CFAP20DC: variants seen among roughly 807,000 people sequenced by gnomAD.
The protein encoded by CFAP20DC is protein CFAP20DC.
CFAP20DC carries 84 observed loss-of-function variants against 101.7 expected under a neutral mutation model. The observed-to-expected ratio is 0.83, with a 90% confidence interval of 0.69 to 0.99. The LOEUF is 0.99. Among genes scored for constraint, CFAP20DC ranks in the 50% least tolerant of loss-of-function variants. CFAP20DC has a pLI of 0.00. For missense variants in CFAP20DC, 1,007 were observed against 970.3 expected (o/e 1.04, Z -0.50); for synonymous variants, 359 against 351.2 (o/e 1.02, Z -0.25).
chr3:58,850,697 A>C (rs533236787), intron 12 of CFAP20DC, among the ~76,000 whole-genome samples: 1 of 152,148 alleles, frequency 6.6e-6, no homozygotes, highest in African/African-American at 2.4e-5. Context: ...AAAAAACAAA[A>C]AAGCACAGTC....
At chr3:58,735,261 A>C (rs2067725389) in intron 3 of CFAP20DC, among the ~76,000 whole-genome samples, 1 of 152,212 alleles carries the variant, frequency 6.6e-6, no homozygotes, top group Admixed American at 6.5e-5. Context: ...CATAGCATAT[A>C]ATCTGACACC....
At chr3:58,734,342 C>T (rs935827850) in intron 3 of CFAP20DC, 5 of 318,882 alleles carry the variant, frequency 1.6e-5, no homozygotes, top group African/African-American at 8.8e-5. Context: ...TATGTATGTG[C>T]CCATATATAC....
intron 13 of CFAP20DC, among the ~76,000 whole-genome samples, chr3:58,839,806 G>A (rs1233819943): frequency 6.6e-6 from 1 of 152,112 alleles, no homozygotes; most frequent in Admixed American, 6.6e-5. Context: ...TTAGAGTAAT[G>A]GGCGCACTGT....
intron 6 of CFAP20DC, among the ~76,000 whole-genome samples, chr3:58,909,511 T>G (rs918669480): frequency 6.6e-6 from 1 of 152,206 alleles, no homozygotes; most frequent in Non-Finnish European, 1.5e-5. Flanking sequence ...ATCAATTTTA[T>G]TCTTCATGTT....
chr3:58,891,872 A>G (rs2082286707), intron 6 of CFAP20DC, among the ~76,000 whole-genome samples: 1 of 152,148 alleles, frequency 6.6e-6, no homozygotes, highest in Admixed American at 6.5e-5. Context: ...TTTCATCATG[A>G]AATCTTTGCA....
chr3:58,936,590 A>G (rs960533837), intron 5 of CFAP20DC, among the ~76,000 whole-genome samples: 2 of 152,266 alleles, frequency 1.3e-5, no homozygotes, highest in African/African-American at 4.8e-5. Context: ...AATACTATGC[A>G]GCCATAAAAA....
intron 4 of CFAP20DC, among the ~76,000 whole-genome samples, chr3:58,949,027 T>C (rs970657106): frequency 1.6e-4 from 25 of 152,290 alleles, no homozygotes; most frequent in East Asian, 1.2e-3. Context: ...GGAGGGTGTA[T>C]GTGTCGAGGA....
intron 4 of CFAP20DC, among the ~76,000 whole-genome samples, chr3:58,938,490 T>G (rs775508876): frequency 6.6e-6 from 1 of 152,224 alleles, no homozygotes; most frequent in East Asian, 1.9e-4. Flanking sequence ...CACTGCTATA[T>G]TATAGAATTG....
At position 58,862,068 on chromosome 3, in the gene CFAP20DC, T is replaced by C. The variant is rs2079293043; in HGVS notation, c.1593+1490A>G. 4.1e-6 allele frequency: 4 copies of C among 975,406 alleles called. No homozygotes were observed. In the South Asian group the frequency reaches 1.4e-4, roughly 35 times the overall value. 60.4% of individuals were successfully genotyped at this position (975,406 alleles called of 1,614,324 possible). ...TCTAAAGGCTTAGCCTTCCTATAGA[T>C]GGAAGAGGTAAGTTCTTCATGTGGT... On this transcript the variant is annotated intron_variant, in intron 12 of 16. Transcript: ENST00000482387.
At chr3:58,887,184 A>G (rs999073464) in intron 6 of CFAP20DC, among the ~76,000 whole-genome samples, 1 of 152,206 alleles carries the variant, frequency 6.6e-6, no homozygotes, top group African/African-American at 2.4e-5. Flanking sequence ...TAGTTTTCAG[A>G]TGTTTTGTCC....
chr3:59,029,395 C>T (rs774346063), intron 4 of CFAP20DC, among the ~76,000 whole-genome samples: 11 of 151,880 alleles, frequency 7.2e-5, no homozygotes, highest in Non-Finnish European at 1.2e-4. Flanking sequence ...ATTCAGTTGG[C>T]GGAAAATCAT....
rs144710593 is a variant in CFAP20DC at position 58,980,011 on chromosome 3, C to T, written c.279-42249G>A. On this transcript the variant is annotated intron_variant, in intron 4 of 16. Coordinates refer to ENST00000482387, the MANE Select transcript of CFAP20DC (RefSeq NM_001394063.1). ...TGAAATGATCGATTAGCACTGTTTGCCTCGGACATCACTGAGGAAGTATGT... is the reference window on the plus strand; with the variant it reads ...TGAAATGATCGATTAGCACTGTTTGTCTCGGACATCACTGAGGAAGTATGT... 5.6e-3 allele frequency among the ~76,000 whole-genome samples: 846 copies of T among 152,210 alleles called. 5 individuals are homozygous for T. The highest frequency in any genetic ancestry group is 0.019 in the African/African-American group (789 of 41,520).
intron 15 of CFAP20DC, among the ~76,000 whole-genome samples, chr3:58,791,486 A>T (rs896395332): frequency 7.9e-5 from 12 of 152,142 alleles, no homozygotes; most frequent in African/African-American, 2.4e-4. Context: ...CACCTCATGA[A>T]ACCCCTTATT....
In CFAP20DC at chr3:58,897,602, T is replaced by G. The variant is rs1474137765; in HGVS notation, c.551-12893A>C. Among the ~76,000 whole-genome samples, 1 of 152,224 alleles carries G rather than the reference T, an allele frequency of 6.6e-6. No homozygotes were observed. Among genetic ancestry groups the G allele is most frequent in the Non-Finnish European group, 1.5e-5 (1 of 68,048 alleles). ...GTGATGAGTTCCCTCAGCATTTGCT[T>G]GTCTGAAAATTATCTTATTTCTTTT... On this transcript the variant is annotated intron_variant, in intron 6 of 16. Transcript: ENST00000482387. The surrounding 1 kb of genome is among the most constrained non-coding windows in gnomAD (Gnocchi z 4.4).
chr3:58,963,614 C>T (rs969990592), intron 4 of CFAP20DC, among the ~76,000 whole-genome samples: 1 of 152,072 alleles, frequency 6.6e-6, no homozygotes, highest in Non-Finnish European at 1.5e-5. Flanking sequence ...ATAAGAACCA[C>T]TGTTTTTTTA....
chr3:59,040,437 T>C (rs1182550151), intron 3 of CFAP20DC, among the ~76,000 whole-genome samples: 1 of 152,042 alleles, frequency 6.6e-6, no homozygotes, highest in Non-Finnish European at 1.5e-5. Flanking sequence ...TATGGTGCTC[T>C]TAACAGATGT....
At chr3:58,980,387 G>C (rs980975534) in intron 4 of CFAP20DC, among the ~76,000 whole-genome samples, 2 of 152,112 alleles carry the variant, frequency 1.3e-5, no homozygotes, top group Non-Finnish European at 2.9e-5. Flanking sequence ...CCAAAGGACG[G>C]CAGAGACACA....
chr3:58,904,028 T>A (rs986585798), intron 6 of CFAP20DC, among the ~76,000 whole-genome samples: 2 of 152,282 alleles, frequency 1.3e-5, no homozygotes, highest in African/African-American at 4.8e-5. Context: ...ACTTTTCCAT[T>A]TCTGCAAAAA....
intron 15 of CFAP20DC, among the ~76,000 whole-genome samples, chr3:58,778,953 A>C (rs7638570): frequency 0.18 from 27,956 of 152,158 alleles, 4,530 homozygotes; most frequent in African/African-American, 0.42. Flanking sequence ...ATAGATACAT[A>C]TTCAGGAAAA....
Sources: allele counts gnomAD v4.1 joint callset (sites outside exome capture counted in the v4.1 genomes callset), GRCh38; gene constraint gnomAD v4.1.1; non-coding constraint Gnocchi (gnomAD v3.1); transcripts MANE v1.5; gene names NCBI Gene and HGNC (gene_info 2026-07-23, HGNC 2026-07-21).